Variants in ABT1 observed in about 807,000 individuals in gnomAD.
ABT1 encodes the protein TATA-binding protein-binding protein.
Under a neutral mutation model 14.0 loss-of-function variants are expected in ABT1, and 13 were observed. That is an observed-to-expected ratio of 0.93 (90% CI 0.61 to 1.48). The LOEUF (loss-of-function observed/expected upper bound fraction) is 1.48. Among genes scored for constraint, ABT1 ranks in the 40% most tolerant of loss-of-function variants. The pLI, the probability that ABT1 is intolerant of heterozygous loss-of-function variation, is 0.00. For missense variants in ABT1, 430 were observed against 380.0 expected, an observed-to-expected ratio of 1.13 and a Z score of -1.09; for synonymous variants, 165 against 144.6, an observed-to-expected ratio of 1.14 and a Z score of -1.01.
At position 26,598,491 on chromosome 6, in the gene ABT1, C is replaced by A; in HGVS notation, c.665C>A (p.Ala222Asp). The A allele has an allele frequency of 6.2e-7, 1 of 1,614,044 alleles. No homozygotes were observed. The highest frequency in any genetic ancestry group is 8.5e-7 in the Non-Finnish European group (1 of 1,179,914). Residue 222 changes from alanine to aspartate, a missense_variant, in exon 3 of 3, where the codon GCC becomes GAC. Physicochemically the swap from Ala to Asp is moderately radical, Grantham distance 126. Coordinates refer to ENST00000274849, the MANE Select transcript of ABT1 (RefSeq NM_013375.4). Reference protein sequence around the residue: ...AQRPTEQELRARKAARPGGRE... With the variant: ...AQRPTEQELRDRKAARPGGRE... ...CGTCCTACTGAGCAGGAACTGAGGG[C>A]CCGTAAAGCAGCACGGCCAGGGGGA... is the stretch of plus-strand genomic sequence containing the variant.
At position 26,598,548 on chromosome 6, in the gene ABT1, A is replaced by G. The variant is rs1554144828; in HGVS notation, c.722A>G (p.Asp241Gly). 1.9e-6 allele frequency: 3 copies of G among 1,612,516 alleles called. No individual in the cohort carries two copies. The highest frequency in any genetic ancestry group is 3.3e-5 in the Admixed American group (2 of 59,998). Residue 241 changes from aspartate to glycine, a missense_variant, in exon 3 of 3, where the codon GAC becomes GGC. Asp to Gly is a moderately conservative substitution (Grantham distance 94). Coordinates refer to ENST00000274849, the MANE Select transcript of ABT1 (RefSeq NM_013375.4). ...RERARLATAQ[D>G]KARSNKGLLA... ...CGGGCTCGCCTGGCAACTGCCCAGG[A>G]CAAGGCCCGCTCCAACAAAGGGCTC...
In ABT1 at chr6:26,597,727, G is replaced by C. The variant is rs1284218817; in HGVS notation, c.242-187G>C. Reference sequence around the variant, plus strand: ...TCAGGGCTGGCCAGATTAAGGAGTGGACAATTAAGGAAAGAATTGAGTTAG... The same window carrying C: ...TCAGGGCTGGCCAGATTAAGGAGTGCACAATTAAGGAAAGAATTGAGTTAG... On this transcript the variant is annotated intron_variant, in intron 1 of 2. Coordinates refer to ENST00000274849, the MANE Select transcript of ABT1 (RefSeq NM_013375.4). Among the ~76,000 whole-genome samples, 5 of 152,172 alleles carry C rather than the reference G, an allele frequency of 3.3e-5. No individual in the cohort carries two copies. In the East Asian group the frequency reaches 9.6e-4, roughly 29 times the overall value.
Position 26,598,884 on chromosome 6 carries a change from G to A in ABT1, c.*239G>A. On this transcript the variant is annotated 3_prime_UTR_variant, in exon 3 of 3. Transcript: ENST00000274849. ...TAGCATAATTATGACTATTGCATAT[G>A]CTTGTTTTGTTTGACTCTTGGCTGC... 2.3e-6 allele frequency: 1 copy of A among 443,072 alleles called. No individual in the cohort carries two copies. 27.4% of individuals were successfully genotyped at this position (443,072 alleles called of 1,614,324 possible).
rs138003871 is a variant in ABT1 at position 26,596,982 on chromosome 6, C to T, written c.-1C>T. On this transcript the variant is annotated 5_prime_UTR_variant, in exon 1 of 3. Transcript: ENST00000274849. Reference sequence around the variant, plus strand: ...CCGTCGTGCCGCTCGTGTCAGTCAACATGGAGGCAGAGGAATCGGAGAAGG... The same window carrying T: ...CCGTCGTGCCGCTCGTGTCAGTCAATATGGAGGCAGAGGAATCGGAGAAGG... 2.4e-5 allele frequency: 38 copies of T among 1,609,520 alleles called. No individual in the cohort carries two copies. The highest frequency in any genetic ancestry group is 5.1e-5 in the Admixed American group (3 of 59,146).
At position 26,597,942 on chromosome 6, in the gene ABT1, A is replaced by G. The variant is rs559389668; in HGVS notation, c.270A>G (p.Ala90=). ...GGTTCGTGAGACGCAAGAAGAAGGC[A>G]GCAGCAGCTGCCGGAGGAAAAAAGC... ...EDRFVRRKKK[A]AAAAGGKKRS... is the part of the protein sequence containing the mutation. The change falls in exon 2 of 3, where the codon GCA becomes GCG. Residue 90 remains alanine (A), a synonymous_variant. Transcript: ENST00000274849. 8.7e-5 allele frequency: 140 copies of G among 1,613,392 alleles called. No homozygotes were observed. The Admixed American group carries it at 2.2e-3, about 26-fold the overall frequency.
Position 26,598,943 on chromosome 6 carries a change from C to A in ABT1, c.*298C>A. The A allele has an allele frequency of 3.6e-6, 1 of 278,046 alleles. No homozygotes were observed. The highest frequency in any genetic ancestry group is 6.7e-6 in the Non-Finnish European group (1 of 148,510). The allele number at this position is 278,046 out of a possible 1,614,324, so 17.2% of individuals were successfully genotyped here. ...GTAGGGTCCCCTGAAAATCCCACTT[C>A]CTGCCCCCAGAAAGGGCCTTTATTT... On this transcript the variant is annotated 3_prime_UTR_variant, in exon 3 of 3. Transcript: ENST00000274849.
rs782639915 is a variant in ABT1 at position 26,598,619 on chromosome 6, G to C, written c.793G>C (p.Gly265Arg). ...CCCGCCACCCTCAGAGAGCATGGAGGGACCTTCCCTTGTCAGGGACTCCTG... is the reference window on the plus strand; with the variant it reads ...CCCGCCACCCTCAGAGAGCATGGAGCGACCTTCCCTTGTCAGGGACTCCTG... ...GAPPPSESMEGPSLVRDS is the reference protein window; with the variant it reads ...GAPPPSESMERPSLVRDS The change falls in exon 3 of 3, where the codon GGA becomes CGA. Residue 265 changes from glycine to arginine, a missense_variant. Physicochemically the swap from Gly to Arg is moderately radical, Grantham distance 125. Transcript: ENST00000274849. 6.3e-7 allele frequency: 1 copy of C among 1,575,844 alleles called. No homozygotes were observed. The highest frequency in any genetic ancestry group is 1.4e-5 in the African/African-American group (1 of 73,972).
At chr6:26,597,353 C>T in intron 1 of ABT1, 130 bp downstream of exon 1, 3 of 1,100,830 alleles carry the variant, frequency 2.7e-6, no homozygotes, top group Non-Finnish European at 3.6e-6. Flanking sequence ...GTGGGGAGTG[C>T]GGTGCTTGGC....
chr6:26,600,103 C>G lies in ABT1; in HGVS notation c.*1458C>G, dbSNP rs1554144949. ...ATACCTCTTATACTTGGCACACAAA[C>G]TACGTTTCCATTTAGAAACTTTCGT... On this transcript the variant is annotated 3_prime_UTR_variant, in exon 3 of 3. Transcript: ENST00000274849. 2 of 152,252 alleles carry G rather than the reference C, an allele frequency of 1.3e-5. No individual in the cohort carries two copies. Among genetic ancestry groups the G allele is most frequent in the African/African-American group, 4.8e-5 (2 of 41,462 alleles). The allele number at this position is 152,252 out of a possible 1,614,324, so 9.4% of individuals were successfully genotyped here. A position where few individuals can be genotyped will look rare whatever the true frequency, so the allele number is the denominator to read the frequency against.
In ABT1 at chr6:26,598,535, G is replaced by T. The variant is rs782391830; in HGVS notation, c.709G>T (p.Ala237Ser). 1 of 1,613,620 alleles carries T rather than the reference G, an allele frequency of 6.2e-7. No individual in the cohort carries two copies. Among genetic ancestry groups the T allele is most frequent in the Non-Finnish European group, 8.5e-7 (1 of 1,179,794 alleles). ...AGGGGGACGTGAACGGGCTCGCCTG[G>T]CAACTGCCCAGGACAAGGCCCGCTC... The part of the protein sequence containing the change: ...RPGGRERARL[A>S]TAQDKARSNK... Residue 237 changes from alanine to serine, a missense_variant, in exon 3 of 3, where the codon GCA becomes TCA. By Grantham distance (99) the Ala-to-Ser change is moderately conservative. Transcript: ENST00000274849.
Position 26,597,954 on chromosome 6 carries a change from C to T in ABT1, c.282C>T (p.Ala94=), listed in dbSNP as rs782035724. The change falls in exon 2 of 3, where the codon GCC becomes GCT. Residue 94 remains alanine, a synonymous_variant. Coordinates refer to ENST00000274849, the MANE Select transcript of ABT1 (RefSeq NM_013375.4). ...GCAAGAAGAAGGCAGCAGCAGCTGCCGGAGGAAAAAAGCGGTCCTACACCA... is the reference window on the plus strand; with the variant it reads ...GCAAGAAGAAGGCAGCAGCAGCTGCTGGAGGAAAAAAGCGGTCCTACACCA... ...VRRKKKAAAA[A]GGKKRSYTKD... The T allele has an allele frequency of 6.2e-6, 10 of 1,613,322 alleles. No homozygotes were observed. In the South Asian group the frequency reaches 6.6e-5, roughly 11 times the overall value.
In ABT1 at chr6:26,598,372, C is replaced by T. The variant is rs1265108111; in HGVS notation, c.546C>T (p.Thr182=). 6 of 1,614,120 alleles carry T rather than the reference C, an allele frequency of 3.7e-6. No individual in the cohort carries two copies. The highest frequency in any genetic ancestry group is 5.1e-6 in the Non-Finnish European group (6 of 1,180,058). The change falls in exon 3 of 3, where the codon ACC becomes ACT. Residue 182 remains threonine, a synonymous_variant. Transcript: ENST00000274849. ...AGGTTGCTCAAGCCAAGCGTGAGAC[C>T]GACTTCTATCTTCAAAGTGTGGAAC... ...RAEVAQAKRE[T]DFYLQSVERG...
In ABT1 at chr6:26,598,081, C is replaced by T. The variant is rs1764927628; in HGVS notation, c.409C>T (p.Pro137Ser). The stretch of plus-strand genomic sequence containing the variant: ...GCCTATGGGTGCCCGCAGGCGCAGC[C>T]CCTTCCGTTATGATCTTTGGAACCT... ...NTPMGARRRS[P>S]FRYDLWNLKY... The change falls in exon 2 of 3, where the codon CCC (proline) becomes TCC (serine). Residue 137 changes from proline (P) to serine (S), a missense_variant. Pro to Ser is a moderately conservative substitution (Grantham distance 74). Transcript: ENST00000274849. The T allele has an allele frequency of 6.2e-7, 1 of 1,613,054 alleles. No individual in the cohort carries two copies. The highest frequency in any genetic ancestry group is 8.5e-7 in the Non-Finnish European group (1 of 1,179,194).
In ABT1 at chr6:26,597,948, A is replaced by G. The variant is rs1554144687; in HGVS notation, c.276A>G (p.Ala92=). ...TGAGACGCAAGAAGAAGGCAGCAGC[A>G]GCTGCCGGAGGAAAAAAGCGGTCCT... ...RFVRRKKKAA[A]AAGGKKRSYT... The change falls in exon 2 of 3, where the codon GCA becomes GCG. Residue 92 remains alanine (A), a synonymous_variant. Coordinates refer to ENST00000274849, the MANE Select transcript of ABT1 (RefSeq NM_013375.4). 6 of 1,613,232 alleles carry G rather than the reference A, an allele frequency of 3.7e-6. No homozygotes were observed.
intron 1 of ABT1, 29 bp downstream of exon 1, chr6:26,597,252 G>A (rs781983035): frequency 1.9e-6 from 3 of 1,606,086 alleles, no homozygotes; most frequent in Non-Finnish European, 2.6e-6. Flanking sequence ...ACGGTGACAG[G>A]AGGAGGTTGT....
rs1490538422 is a variant in ABT1 at position 26,598,462 on chromosome 6, C to T, written c.636C>T (p.Ala212=). The T allele has an allele frequency of 6.2e-7, 1 of 1,614,074 alleles. No homozygotes were observed. Among genetic ancestry groups the T allele is most frequent in the Non-Finnish European group, 8.5e-7 (1 of 1,180,034 alleles). The change falls in exon 3 of 3, where the codon GCC becomes GCT. Residue 212 remains alanine (A), a synonymous_variant. Transcript: ENST00000274849. ...GCCCAGATGGCTCCTGGACATTTGC[C>T]CAGCGTCCTACTGAGCAGGAACTGA... ...PARPDGSWTF[A]QRPTEQELRA...
rs1214708561 is a variant in ABT1, at chr6:26,600,097, C to T, written c.*1452C>T. ...ACCCACATACCTCTTATACTTGGCA[C>T]ACAAACTACGTTTCCATTTAGAAAC... On this transcript the variant is annotated 3_prime_UTR_variant, in exon 3 of 3. Transcript: ENST00000274849. 1.3e-5 allele frequency: 2 copies of T among 152,226 alleles called. No homozygotes were observed. Among genetic ancestry groups the T allele is most frequent in the Non-Finnish European group, 2.9e-5 (2 of 68,044 alleles). 9.4% of individuals were successfully genotyped at this position (152,226 alleles called of 1,614,324 possible).
Position 26,598,318 on chromosome 6 carries a change from C to G in ABT1, c.492C>G (p.Arg164=). Residue 164 remains arginine, a synonymous_variant, in exon 3 of 3, where the codon CGC becomes CGG. Transcript: ENST00000274849. The part of the protein sequence containing the change: ...SHLSEHLAFE[R]QVRRQRLRAE... ...TCAGCGAGCACCTCGCCTTTGAGCG[C>G]CAGGTGCGCAGGCAGCGCTTGAGAG... is the stretch of plus-strand genomic sequence containing the variant. The G allele has an allele frequency of 1.9e-6, 3 of 1,614,268 alleles. No homozygotes were observed. The highest frequency in any genetic ancestry group is 2.5e-6 in the Non-Finnish European group (3 of 1,180,036).
chr6:26,596,976 A>T lies in ABT1; in HGVS notation c.-7A>T. 1 of 1,608,408 alleles carries T rather than the reference A, an allele frequency of 6.2e-7. No homozygotes were observed. Among genetic ancestry groups the T allele is most frequent in the Non-Finnish European group, 8.5e-7 (1 of 1,177,884 alleles). ...TTACGGCCGTCGTGCCGCTCGTGTC[A>T]GTCAACATGGAGGCAGAGGAATCGG... On this transcript the variant is annotated 5_prime_UTR_variant, in exon 1 of 3. Transcript: ENST00000274849.
Sources: gnomAD v4.1 joint callset for allele counts (sites outside exome capture counted in the v4.1 genomes callset) on GRCh38, gnomAD v4.1.1 for gene constraint, MANE v1.5 for transcripts, NCBI Gene and HGNC (gene_info 2026-07-23, HGNC 2026-07-21) for gene names.